The following DKK3 variants were observed in gnomAD, a reference collection of about 807,000 sequenced individuals.
DKK3 encodes dickkopf Wnt signaling pathway inhibitor 3.
In DKK3, 22 loss-of-function variants were observed where a neutral mutation model predicts 33.2. The ratio of observed to expected loss-of-function variants is 0.66; its 90% CI spans 0.47 to 0.95. The LOEUF (loss-of-function observed/expected upper bound fraction) is 0.95. Ranked by LOEUF, DKK3 falls within the 40% of genes least tolerant of loss-of-function variation. The pLI, the probability that DKK3 is intolerant of heterozygous loss-of-function variation, is 0.00. For synonymous variants in DKK3, 194 were observed against 188.8 expected (o/e 1.03, Z -0.23); for missense variants, 398 against 458.4 (o/e 0.87, Z 1.20).
At position 11,969,255 on chromosome 11, in the gene DKK3, T is replaced by A. The variant is rs1479910882; in HGVS notation, c.436-768A>T. 5.9e-5 allele frequency among the ~76,000 whole-genome samples: 9 copies of A among 152,340 alleles called. No individual in the cohort carries two copies. The South Asian group carries it at 1.0e-3, about 18-fold the overall frequency. Reference sequence around the variant, plus strand: ...GCAGAAGCAGGGCTGCTTCAGCTCCTGGACCTGCTGTCAGGCTCAGGCCTA... The same window carrying A: ...GCAGAAGCAGGGCTGCTTCAGCTCCAGGACCTGCTGTCAGGCTCAGGCCTA... On this transcript the variant is annotated intron_variant, in intron 3 of 6. Coordinates refer to ENST00000683431, the MANE Select transcript of DKK3 (RefSeq NM_001018057.2).
intron 1 of DKK3, among the ~76,000 whole-genome samples, chr11:12,007,239 AG>A (rs1335358393): frequency 6.6e-6 from 1 of 152,214 alleles, no homozygotes; most frequent in Non-Finnish European, 1.5e-5. Flanking sequence ...CCAGCAGTTA[AG>A]GCTTTGCCCA....
chr11:11,977,906 G>T (rs971259979), intron 3 of DKK3, among the ~76,000 whole-genome samples: 1 of 152,176 alleles, frequency 6.6e-6, no homozygotes, highest in Admixed American at 6.5e-5. Flanking sequence ...GATTAAAGGA[G>T]ATTTAGCCAA....
chr11:12,008,952 C>A, upstream of DKK3: 1 of 1,020,564 alleles, frequency 9.8e-7, no homozygotes, highest in Non-Finnish European at 1.2e-6. The surrounding 1 kb of genome is among the most constrained non-coding windows in gnomAD (Gnocchi z 4.6). Context: ...CACCTAGACT[C>A]TGTCCCCGGT....
At chr11:11,993,860 G>C (rs1344340099) in intron 3 of DKK3, among the ~76,000 whole-genome samples, 1 of 152,138 alleles carries the variant, frequency 6.6e-6, no homozygotes, top group Non-Finnish European at 1.5e-5. Flanking sequence ...ATCACCCCTT[G>C]CCAACTTGGG....
intron 3 of DKK3, among the ~76,000 whole-genome samples, chr11:11,982,907 G>GGACT (rs775961468): frequency 3.3e-5 from 5 of 152,210 alleles, no homozygotes; most frequent in African/African-American, 4.8e-5. Context: ...GATAAGCCTA[G>GGACT]GACTGTTCAC....
chr11:11,997,526 G>A (rs762633837), intron 3 of DKK3, among the ~76,000 whole-genome samples: 7 of 152,150 alleles, frequency 4.6e-5, no homozygotes, highest in Non-Finnish European at 5.9e-5. Flanking sequence ...GTGCTGCCAG[G>A]GCTGGGAGAG....
At chr11:12,002,489 G>A (rs1178995226) in intron 1 of DKK3, 52 bp from the exon 2 acceptor site, 11 of 1,573,588 alleles carry the variant, frequency 7.0e-6, no homozygotes, top group Non-Finnish European at 9.5e-6. Flanking sequence ...TGTTACAAAT[G>A]GGAGTCTATT....
In DKK3 at chr11:11,969,226, A is replaced by C. The variant is rs138987443; in HGVS notation, c.436-739T>G. Among the ~76,000 whole-genome samples, 942 of 152,314 alleles carry C rather than the reference A, an allele frequency of 6.2e-3. 10 individuals carry two copies. The highest frequency in any genetic ancestry group is 0.022 in the African/African-American group (895 of 41,574). On this transcript the variant is annotated intron_variant, in intron 3 of 6. Coordinates refer to ENST00000683431, the MANE Select transcript of DKK3 (RefSeq NM_001018057.2). ...CTGTGACCTGCCATGGTCGCCGGTC[A>C]CTGGCAGAAGCAGGGCTGCTTCAGC...
At chr11:12,006,383 G>A (rs1848536320) in intron 1 of DKK3, among the ~76,000 whole-genome samples, 1 of 152,208 alleles carries the variant, frequency 6.6e-6, no homozygotes, top group Non-Finnish European at 1.5e-5. Flanking sequence ...ACCCTAAGAG[G>A]TGGACATTTC....
rs1847527611 is a variant in DKK3, at chr11:11,964,356, TG to T, written c.*107del. On this transcript the variant is annotated 3_prime_UTR_variant, in exon 7 of 7. Transcript: ENST00000683431. ...CTGTCAAGCCAGAGGGGAAACTTAC[TG>T]GGAAGAAGATGTAGGAAGAAGCCTG... is the stretch of plus-strand genomic sequence containing the variant. 2.9e-6 allele frequency: 4 copies of T among 1,400,708 alleles called. No homozygotes were observed. The South Asian group carries it at 5.4e-5, about 19-fold the overall frequency. 86.8% of individuals were successfully genotyped at this position (1,400,708 alleles called of 1,614,324 possible). A position where few individuals can be genotyped will look rare whatever the true frequency, so the allele number is the denominator to read the frequency against.
chr11:11,984,665 A>AG (rs1848027262), intron 3 of DKK3, among the ~76,000 whole-genome samples: 2 of 151,540 alleles, frequency 1.3e-5, no homozygotes, highest in Non-Finnish European at 2.9e-5. Flanking sequence ...TAAAAAAAAA[A>AG]AAAAAAAGAA....
chr11:11,985,853 T>C lies in DKK3; in HGVS notation c.435+12843A>G, dbSNP rs548960730. 2.6e-5 allele frequency among the ~76,000 whole-genome samples: 4 copies of C among 152,356 alleles called. No individual in the cohort carries two copies. In the East Asian group the frequency reaches 7.7e-4, roughly 29 times the overall value. ...CCAAATCCCAGCAAAACCATGGGGATGCGGGGAGAGGAGAGCAGCTCTGCA... is the reference window on the plus strand; with the variant it reads ...CCAAATCCCAGCAAAACCATGGGGACGCGGGGAGAGGAGAGCAGCTCTGCA... On this transcript the variant is annotated intron_variant, in intron 3 of 6. Coordinates refer to ENST00000683431, the MANE Select transcript of DKK3 (RefSeq NM_001018057.2).
At chr11:11,966,474 A>G (rs1012594049) in intron 5 of DKK3, among the ~76,000 whole-genome samples, 1 of 152,182 alleles carries the variant, frequency 6.6e-6, no homozygotes, top group Admixed American at 6.5e-5. Context: ...GCAGCCCTTT[A>G]GGAAGATCAC....
In DKK3 at chr11:11,965,810, T is replaced by C; in HGVS notation, c.829A>G (p.Ser277Gly). 2 of 1,613,868 alleles carry C rather than the reference T, an allele frequency of 1.2e-6. No homozygotes were observed. Among genetic ancestry groups the C allele is most frequent in the Non-Finnish European group, 1.7e-6 (2 of 1,179,978 alleles). ...AGAGTGAGGGTTAGGGGGCCTCACC[T>C]GTGGGGCTGGCAGAGGAGGCCACTG... Reference protein sequence around the residue: ...CASGLLCQPHSHSLVYVCKPT... With the variant: ...CASGLLCQPHGHSLVYVCKPT... Residue 277 changes from serine (S) to glycine (G), a missense_variant and splice_region_variant, in exon 6 of 7, where the codon AGC becomes GGC. Ser to Gly is a moderately conservative substitution (Grantham distance 56). Coordinates refer to ENST00000683431, the MANE Select transcript of DKK3 (RefSeq NM_001018057.2).
In DKK3 at chr11:11,964,300, G is replaced by T. The variant is rs1847526568; in HGVS notation, c.*164C>A. ...ACTGTGAAGCCTGGAGAACAGCCTGGGGGAGCTGAACAAATGCACAACACC... is the reference window on the plus strand; with the variant it reads ...ACTGTGAAGCCTGGAGAACAGCCTGTGGGAGCTGAACAAATGCACAACACC... On this transcript the variant is annotated 3_prime_UTR_variant, in exon 7 of 7. Transcript: ENST00000683431. The T allele has an allele frequency of 1.1e-6, 1 of 889,308 alleles. No individual in the cohort carries two copies. The highest frequency in any genetic ancestry group is 2.4e-5 in the Admixed American group (1 of 41,542). 55.1% of individuals were successfully genotyped at this position (889,308 alleles called of 1,614,324 possible).
At chr11:11,987,050 T>G (rs915007516) in intron 3 of DKK3, among the ~76,000 whole-genome samples, 1 of 152,248 alleles carries the variant, frequency 6.6e-6, no homozygotes, top group African/African-American at 2.4e-5. Context: ...AGCTTTCATC[T>G]ACTAAGTATG....
At chr11:11,985,197 T>C (rs923189999) in intron 3 of DKK3, among the ~76,000 whole-genome samples, 9 of 152,290 alleles carry the variant, frequency 5.9e-5, no homozygotes, top group African/African-American at 1.7e-4. Flanking sequence ...CTCATAATGG[T>C]CTTGGTGCTT....
chr11:11,989,537 G>C (rs1416879920), intron 3 of DKK3, among the ~76,000 whole-genome samples: 1 of 152,114 alleles, frequency 6.6e-6, no homozygotes, highest in Non-Finnish European at 1.5e-5. Flanking sequence ...ACCTTGAGTG[G>C]TCAGAATCAT....
chr11:11,980,877 G>A (rs978552418), intron 3 of DKK3, among the ~76,000 whole-genome samples: 7 of 152,278 alleles, frequency 4.6e-5, no homozygotes, highest in African/African-American at 1.4e-4. Flanking sequence ...CTGTCCAGGC[G>A]ACCCATGGCT....
Sources: gnomAD v4.1 joint callset for allele counts (sites outside exome capture counted in the v4.1 genomes callset) on GRCh38, gnomAD v4.1.1 for gene constraint, Gnocchi (gnomAD v3.1) non-coding constraint, MANE v1.5 for transcripts, NCBI Gene and HGNC (gene_info 2026-07-23, HGNC 2026-07-21) for gene names.